YTHDC1: variants seen among roughly 807,000 people sequenced by gnomAD.
YTHDC1 encodes the protein YTH domain-containing protein 1.
Under a neutral mutation model 107.0 loss-of-function variants are expected in YTHDC1, and 12 were observed. The ratio of observed to expected loss-of-function variants is 0.11; its 90% CI spans 0.07 to 0.18. YTHDC1 has a LOEUF of 0.18. Ranked by LOEUF, YTHDC1 falls within the 10% of genes least tolerant of loss-of-function variation. The probability of loss-of-function intolerance (pLI) is 1.00; values close to 1 mark genes in which losing one functional copy is unlikely to be tolerated. For missense variants in YTHDC1, 635 were observed against 898.8 expected (o/e 0.71, Z 3.75); for synonymous variants, 280 against 289.5 (o/e 0.97, Z 0.33).
At chr4:68,323,747 G>A (rs1175415032) in intron 10 of YTHDC1, among the ~76,000 whole-genome samples, 1 of 152,140 alleles carries the variant, frequency 6.6e-6, no homozygotes, top group African/African-American at 2.4e-5. Context: ...GAAAACCTGA[G>A]TACATATATT....
intron 2 of YTHDC1, 94 bp from the exon 3 acceptor site, chr4:68,337,994 G>A (rs1355636389): frequency 6.7e-7 from 1 of 1,488,780 alleles, no homozygotes; most frequent in South Asian, 1.4e-5. Context: ...ATCAGGAAGG[G>A]GGGATAGGCC....
chr4:68,332,708 TA>T (rs1723730584), intron 6 of YTHDC1, 85 bp downstream of exon 6: 1 of 1,224,934 alleles, frequency 8.2e-7, no homozygotes, highest in South Asian at 1.4e-5. Flanking sequence ...ATTACTACAT[TA>T]AAAGCAGCTA....
In YTHDC1 at chr4:68,330,419, A is replaced by G. The variant is rs186221812; in HGVS notation, c.1123-109T>C. The G allele has an allele frequency of 8.4e-4, 535 of 638,200 alleles. 1 individual carries two copies. In the African/African-American group the frequency reaches 8.9e-3, roughly 11 times the overall value. 39.5% of individuals were successfully genotyped at this position (638,200 alleles called of 1,614,324 possible). On this transcript the variant is annotated intron_variant, in intron 7 of 16. Coordinates refer to ENST00000344157, the MANE Select transcript of YTHDC1 (RefSeq NM_001031732.4). ...ATTTTGGTGTGCTTTCAATTTAAGT[A>G]AGCTATAATGAAGAAAGGTTTTATT...
At chr4:68,347,471 T>A (rs1725578673) in intron 1 of YTHDC1, among the ~76,000 whole-genome samples, 1 of 152,192 alleles carries the variant, frequency 6.6e-6, no homozygotes, top group East Asian at 1.9e-4. Flanking sequence ...CTTCTAGGTA[T>A]GAGTATTATT....
chr4:68,346,078 C>CATATATATATATATATATATAT lies in YTHDC1; in HGVS notation c.28+3626_28+3647dup, dbSNP rs34633749. 1.1e-3 allele frequency among the ~76,000 whole-genome samples: 144 copies of CATATATATATATATATATATAT among 132,616 alleles called. 2 individuals carry two copies. Among genetic ancestry groups the CATATATATATATATATATATAT allele is most frequent in the African/African-American group, 3.6e-3 (123 of 34,256 alleles). 87.0% of individuals were successfully genotyped at this position (132,616 alleles called of 152,430 possible). A position where few individuals can be genotyped will look rare whatever the true frequency, so the allele number is the denominator to read the frequency against. ...GTGTGTGCACATGACTGTGTGTGTA[C>CATATATATATATATATATATAT]ATATATATATATATATATATATACA... is the stretch of plus-strand genomic sequence containing the variant. On this transcript the variant is annotated intron_variant, in intron 1 of 16. Transcript: ENST00000344157.
chr4:68,329,959 G>T (rs768076575), intron 9 of YTHDC1, 43 bp downstream of exon 9: 2 of 1,394,890 alleles, frequency 1.4e-6, no homozygotes, highest in Admixed American at 1.7e-5. Context: ...AACTGGTAGT[G>T]TATTCAAAAT....
At position 68,349,831 on chromosome 4, in the gene YTHDC1, GAA is replaced by G; in HGVS notation, c.-80_-79del. The G allele has an allele frequency of 3.7e-6, 6 of 1,601,348 alleles. No individual in the cohort carries two copies. Among genetic ancestry groups the G allele is most frequent in the Non-Finnish European group, 5.1e-6 (6 of 1,171,550 alleles). ...TCGCGCGGGCGCCGCAGCCGCGGCA[GAA>G]GCACGGGCCCGTCCGTCAGTCCGTC... On this transcript the variant is annotated 5_prime_UTR_variant, in exon 1 of 17. Coordinates refer to ENST00000344157, the MANE Select transcript of YTHDC1 (RefSeq NM_001031732.4).
At chr4:68,330,597 A>G (rs1001870877) in intron 7 of YTHDC1, among the ~76,000 whole-genome samples, 1 of 152,164 alleles carries the variant, frequency 6.6e-6, no homozygotes, top group African/African-American at 2.4e-5. Flanking sequence ...TAGTAAAACC[A>G]ATCACTACAA....
intron 9 of YTHDC1, among the ~76,000 whole-genome samples, chr4:68,324,908 T>C (rs1407255088): frequency 6.6e-6 from 1 of 152,182 alleles, no homozygotes; most frequent in Non-Finnish European, 1.5e-5. Flanking sequence ...CAAAATGGTC[T>C]CACCAAACTT....
intron 1 of YTHDC1, among the ~76,000 whole-genome samples, chr4:68,347,893 G>A (rs1182214650): frequency 1.3e-5 from 2 of 152,098 alleles, no homozygotes; most frequent in Non-Finnish European, 2.9e-5. Flanking sequence ...ATTCCAGTAG[G>A]TAAGTGCTAG....
intron 6 of YTHDC1, 40 bp from the exon 7 acceptor site, chr4:68,332,237 AT>A: frequency 7.0e-7 from 1 of 1,419,984 alleles, no homozygotes; most frequent in Non-Finnish European, 9.7e-7. Flanking sequence ...ACCACAAGCC[AT>A]TATCACACAA....
At position 68,331,955 on chromosome 4, in the gene YTHDC1, C is replaced by T. The variant is rs116644057; in HGVS notation, c.1122+148G>A. 4.2e-4 allele frequency: 185 copies of T among 440,034 alleles called. 1 individual carries two copies. Among genetic ancestry groups the T allele is most frequent in the African/African-American group, 3.5e-3 (172 of 48,700 alleles). The allele number at this position is 440,034 out of a possible 1,614,324, so 27.3% of individuals were successfully genotyped here. ...AAATTACAAGTAGGCTGACTGACTACAACCAGATCCTAAGTGGCCATTGGA... is the reference window on the plus strand; with the variant it reads ...AAATTACAAGTAGGCTGACTGACTATAACCAGATCCTAAGTGGCCATTGGA... On this transcript the variant is annotated intron_variant, in intron 7 of 16. Transcript: ENST00000344157.
chr4:68,338,118 A>G, intron 2 of YTHDC1, 165 bp downstream of exon 2: 1 of 877,726 alleles, frequency 1.1e-6, no homozygotes, highest in Non-Finnish European at 1.4e-6. Flanking sequence ...ATATATTAGA[A>G]AAAAACAGAT....
Position 68,315,093 on chromosome 4 carries a change from C to T in YTHDC1, c.1960-770G>A, listed in dbSNP as rs186077976. 5.9e-3 allele frequency among the ~76,000 whole-genome samples: 894 copies of T among 152,232 alleles called. 11 individuals are homozygous for T. The highest frequency in any genetic ancestry group is 0.02 in the African/African-American group (845 of 41,550). On this transcript the variant is annotated intron_variant, in intron 16 of 16. Transcript: ENST00000344157. ...ATAGTTGAGGAAAACAAAAAAATCT[C>T]AGACTTCCTATTTTAAAAGCCATGT... is the stretch of plus-strand genomic sequence containing the variant.
intron 1 of YTHDC1, among the ~76,000 whole-genome samples, chr4:68,343,521 C>CT (rs201587569): frequency 1.6e-3 from 157 of 99,428 alleles, no homozygotes; most frequent in East Asian, 3.7e-3. Context: ...CACTTAAAAT[C>CT]TTTAAAAAAA....
intron 5 of YTHDC1, 91 bp downstream of exon 5, chr4:68,333,217 C>A: frequency 1.1e-6 from 1 of 946,574 alleles, no homozygotes; most frequent in Non-Finnish European, 1.6e-6. Flanking sequence ...TAATGGACAT[C>A]AACAAGTTCA....
At chr4:68,342,184 C>T (rs933023430) in intron 1 of YTHDC1, among the ~76,000 whole-genome samples, 1 of 152,098 alleles carries the variant, frequency 6.6e-6, no homozygotes, top group African/African-American at 2.4e-5. Flanking sequence ...TTCCAGGGCT[C>T]AACCGGGGTC....
chr4:68,349,631 ACCCCC>A, intron 1 of YTHDC1, 90 bp downstream of exon 1: 3 of 258,544 alleles, frequency 1.2e-5, no homozygotes, highest in Admixed American at 4.6e-5. Context: ...AACCTCCCCA[ACCCCC>A]ACCCCCCACC....
chr4:68,328,536 T>C (rs1723230919), intron 9 of YTHDC1, among the ~76,000 whole-genome samples: 1 of 152,252 alleles, frequency 6.6e-6, no homozygotes, highest in Admixed American at 6.5e-5. Flanking sequence ...TTTCATTTGT[T>C]ATACCTTTCC....
Sources: allele counts gnomAD v4.1 joint callset (sites outside exome capture counted in the v4.1 genomes callset), GRCh38; gene constraint gnomAD v4.1.1; transcripts MANE v1.5; gene names NCBI Gene and HGNC (gene_info 2026-07-23, HGNC 2026-07-21).